The following GFM1 variants were observed in gnomAD, a reference collection of about 807,000 sequenced individuals.
GFM1 encodes G elongation factor mitochondrial 1.
A neutral mutation model predicts 96.2 loss-of-function variants in GFM1; 62 were observed. The observed-to-expected ratio is 0.64, with a 90% CI of 0.53 to 0.80. The LOEUF is 0.80. GFM1 is among the 30% of genes least tolerant of loss of function. The pLI, the probability that GFM1 is intolerant of heterozygous loss-of-function variation, is 0.00. For missense variants in GFM1, 852 were observed against 916.6 expected (o/e 0.93, Z 0.91); for synonymous variants, 282 against 312.9 (o/e 0.90, Z 1.04).
chr3:158,685,226 G>A (rs1725743039), intron 15 of GFM1: 1 of 153,066 alleles, frequency 6.5e-6, no homozygotes. Flanking sequence ...AGAACCTTAT[G>A]CAGTTGCAAA....
intron 8 of GFM1, among the ~76,000 whole-genome samples, chr3:158,658,697 A>G (rs1256532154): frequency 6.6e-6 from 1 of 152,258 alleles, no homozygotes; most frequent in African/African-American, 2.4e-5. Flanking sequence ...TTCAAAGGAA[A>G]CAGAAATGTC....
At chr3:158,666,482 T>G in intron 13 of GFM1, 96 bp downstream of exon 13, 1 of 1,179,160 alleles carries the variant, frequency 8.5e-7, no homozygotes, top group East Asian at 2.4e-5. Context: ...GACATTTTTA[T>G]GTAGTGATAC....
At position 158,653,300 on chromosome 3, in the gene GFM1, T is replaced by G; in HGVS notation, c.841-10T>G. On this transcript the variant is annotated splice_polypyrimidine_tract_variant and intron_variant, in intron 6 of 17. Transcript: ENST00000486715. ...AACATTAACTACCATTAAATTGTTT[T>G]CTTTTGTAGCTAGCAATTCGAAGAG... 3.1e-6 allele frequency: 5 copies of G among 1,609,112 alleles called. No individual in the cohort carries two copies. Among genetic ancestry groups the G allele is most frequent in the Non-Finnish European group, 4.3e-6 (5 of 1,176,394 alleles).
chr3:158,672,494 A>T (rs375616801), intron 13 of GFM1: 6 of 1,613,308 alleles, frequency 3.7e-6, no homozygotes, highest in East Asian at 4.5e-5. Context: ...ATGAGCAGTG[A>T]CTTCAGGGCT....
chr3:158,653,370 T>G lies in GFM1; in HGVS notation c.901T>G (p.Leu301Val). The change falls in exon 7 of 18, where the codon TTG becomes GTG. Residue 301 changes from leucine (L) to valine (V), a missense_variant. By Grantham distance (32) the Leu-to-Val change is conservative. Coordinates refer to ENST00000486715, the MANE Select transcript of GFM1 (RefSeq NM_024996.7). Reference protein sequence around the residue: ...SFTPVFLGSALKNKGVQPLLD... With the variant: ...SFTPVFLGSAVKNKGVQPLLD... The stretch of plus-strand genomic sequence containing the variant: ...TACTCCTGTATTTTTGGGAAGCGCC[T>G]TGAAGAACAAAGGAGTTCAGCCTCT... 1.2e-6 allele frequency: 2 copies of G among 1,613,552 alleles called. No individual in the cohort carries two copies. Among genetic ancestry groups the G allele is most frequent in the South Asian group, 1.1e-5 (1 of 91,072 alleles).
intron 13 of GFM1, among the ~76,000 whole-genome samples, chr3:158,668,709 G>T (rs1240041736): frequency 6.6e-6 from 1 of 152,206 alleles, no homozygotes; most frequent in Non-Finnish European, 1.5e-5. Context: ...CCCAGAGCAT[G>T]CAACTAACAA....
chr3:158,677,170 C>T (rs1182978631), intron 13 of GFM1, among the ~76,000 whole-genome samples: 1 of 152,172 alleles, frequency 6.6e-6, no homozygotes, highest in Non-Finnish European at 1.5e-5. Context: ...GAAACCTGCC[C>T]ATATAAGATA....
At chr3:158,690,626 CT>C (rs2108118187) in intron 16 of GFM1, 1 of 365,230 alleles carries the variant, frequency 2.7e-6, no homozygotes, top group Non-Finnish European at 5.0e-6. Flanking sequence ...TATATTATCT[CT>C]CTCATTTTAG....
chr3:158,686,157 G>C (rs1725813297), intron 15 of GFM1, among the ~76,000 whole-genome samples: 1 of 147,978 alleles, frequency 6.8e-6, no homozygotes, highest in Admixed American at 6.8e-5. Context: ...TATATAATAT[G>C]TTATATATTA....
At chr3:158,671,011 T>TA in intron 13 of GFM1, 3 of 1,530,202 alleles carry the variant, frequency 2.0e-6, no homozygotes, top group Non-Finnish European at 2.6e-6. Flanking sequence ...GTCCTCTTCC[T>TA]GGAATATCCT....
chr3:158,691,312 C>G (rs535787469), intron 17 of GFM1, 24 bp from the exon 18 acceptor site: 10 of 1,613,086 alleles, frequency 6.2e-6, no homozygotes, highest in Middle Eastern at 1.6e-4. Context: ...AACAAAAAAC[C>G]CTCTCTTTTT....
chr3:158,690,529 G>C (rs1726223764), intron 16 of GFM1: 2 of 567,946 alleles, frequency 3.5e-6, no homozygotes, highest in African/African-American at 3.8e-5. Flanking sequence ...TTGTGAATGT[G>C]TCATTTTCTT....
intron 1 of GFM1, chr3:158,644,980 GTTTTTT>G (rs11405116): frequency 7.0e-5 from 15 of 214,804 alleles, no homozygotes; most frequent in Non-Finnish European, 8.9e-5. Context: ...CTTTTCTAAG[GTTTTTT>G]TTTTTTTTTT....
rs560922422 is a variant in GFM1, at chr3:158,676,875, T to C, written c.1602-5120T>C. On this transcript the variant is annotated intron_variant, in intron 13 of 17. Transcript: ENST00000486715. ...CCACCATGCCCGGCTAATTTTTGTA[T>C]TTTTAGTAGAGACAGGGTTTCACCG... is the stretch of plus-strand genomic sequence containing the variant. Among the ~76,000 whole-genome samples, 32 of 152,182 alleles carry C rather than the reference T, an allele frequency of 2.1e-4. No homozygotes were observed. In the South Asian group the frequency reaches 6.7e-3, roughly 32 times the overall value.
chr3:158,687,614 C>T (rs991764252), intron 15 of GFM1, among the ~76,000 whole-genome samples: 12 of 151,942 alleles, frequency 7.9e-5, no homozygotes, highest in Admixed American at 5.9e-4. Flanking sequence ...ATTACAGGTG[C>T]GTGCCACCAC....
intron 11 of GFM1, 133 bp from the exon 12 acceptor site, chr3:158,665,204 G>GTAGAAC (rs1723544168): frequency 1.4e-6 from 1 of 692,730 alleles, no homozygotes; most frequent in African/African-American, 1.8e-5. Flanking sequence ...ATGGTGTGGA[G>GTAGAAC]TAGAACTAGA....
chr3:158,676,722 A>G (rs1724926737), intron 13 of GFM1, among the ~76,000 whole-genome samples: 1 of 147,466 alleles, frequency 6.8e-6, no homozygotes, highest in African/African-American at 2.5e-5. Flanking sequence ...TTTTTGAGAC[A>G]GAGTCTCACT....
At chr3:158,664,400 A>G (rs1723445540) in intron 11 of GFM1, among the ~76,000 whole-genome samples, 1 of 152,106 alleles carries the variant, frequency 6.6e-6, no homozygotes, top group South Asian at 2.1e-4. Context: ...TACTCAGGTT[A>G]TTGGCAGTAT....
At chr3:158,649,006 G>T (rs1408718432) in intron 4 of GFM1, 35 bp from the exon 5 acceptor site, 1 of 978,072 alleles carries the variant, frequency 1.0e-6, no homozygotes, top group African/African-American at 1.6e-5. Flanking sequence ...TAGGGGAGAA[G>T]AAAAAAGGTA....
Sources: gnomAD v4.1 joint callset for allele counts (sites outside exome capture counted in the v4.1 genomes callset) on GRCh38, gnomAD v4.1.1 for gene constraint, MANE v1.5 for transcripts, NCBI Gene and HGNC (gene_info 2026-07-23, HGNC 2026-07-21) for gene names.